RSU1: variants seen among roughly 807,000 people sequenced by gnomAD.
RSU1 encodes the protein Ras suppressor protein 1, also known as rsu-1.
In RSU1, 26 loss-of-function variants were observed where a neutral mutation model predicts 31.1. The observed-to-expected ratio is 0.84, with a 90% CI of 0.61 to 1.16. The LOEUF (loss-of-function observed/expected upper bound fraction) is 1.16. RSU1 is among the 50% of genes most tolerant of loss of function. The pLI is 0.00. For missense variants in RSU1, 320 were observed against 339.1 expected (o/e 0.94, Z 0.44); for synonymous variants, 164 against 136.3 (o/e 1.20, Z -1.41).
intron 3 of RSU1, among the ~76,000 whole-genome samples, chr10:16,779,707 T>A (rs1837610991): frequency 6.6e-6 from 1 of 152,102 alleles, no homozygotes; most frequent in Non-Finnish European, 1.5e-5. Context: ...CAACAGAAAG[T>A]GAAAGACACT....
intron 7 of RSU1, among the ~76,000 whole-genome samples, chr10:16,699,096 T>C (rs1377704555): frequency 6.6e-6 from 1 of 152,228 alleles, no homozygotes; most frequent in Non-Finnish European, 1.5e-5. Flanking sequence ...GAAACCCAGG[T>C]ATAATGTCCG....
intron 2 of RSU1, among the ~76,000 whole-genome samples, chr10:16,803,016 A>G (rs1838189008): frequency 6.6e-6 from 1 of 152,168 alleles, no homozygotes; most frequent in East Asian, 1.9e-4. Context: ...ATCAGATTGG[A>G]CGTCCTTGTT....
chr10:16,765,980 C>T (rs1837305809), intron 3 of RSU1, among the ~76,000 whole-genome samples: 1 of 152,194 alleles, frequency 6.6e-6, no homozygotes, highest in Admixed American at 6.5e-5. Flanking sequence ...TGATAACTCC[C>T]AGGGGAACAA....
intron 2 of RSU1, among the ~76,000 whole-genome samples, chr10:16,807,077 T>G (rs901063966): frequency 6.6e-6 from 1 of 152,198 alleles, no homozygotes; most frequent in Non-Finnish European, 1.5e-5. Flanking sequence ...CATGAGCCAC[T>G]GCGCCCAGCC....
chr10:16,810,061 T>C (rs1018619802), intron 2 of RSU1, among the ~76,000 whole-genome samples: 9 of 150,276 alleles, frequency 6.0e-5, no homozygotes, highest in African/African-American at 2.2e-4. Context: ...CAAAACCCCA[T>C]CTCTACCAAA....
intron 7 of RSU1, among the ~76,000 whole-genome samples, chr10:16,731,182 A>C (rs1264213737): frequency 6.6e-6 from 1 of 152,178 alleles, no homozygotes; most frequent in Non-Finnish European, 1.5e-5. Context: ...ATCATCTACT[A>C]GTTAATTTAA....
In RSU1 at chr10:16,592,038, G is replaced by GTAACTAAC. The variant is rs144517149; in HGVS notation, c.*1355_*1356insGTTAGTTA. On this transcript the variant is annotated 3_prime_UTR_variant, in exon 9 of 9. Coordinates refer to ENST00000345264, the MANE Select transcript of RSU1 (RefSeq NM_012425.4). ...TTGAAATGCGAAGTCTGTTTCCTAAGTAACTCAGAACTTGTTGTTTGATTT... is the reference window on the plus strand; with the variant it reads ...TTGAAATGCGAAGTCTGTTTCCTAAGTAACTAACTAACTCAGAACTTGTTGTTTGATTT... 6.6e-6 allele frequency: 1 copy of GTAACTAAC among 152,096 alleles called. No individual in the cohort carries two copies. The highest frequency in any genetic ancestry group is 1.9e-4 in the East Asian group (1 of 5,202). 9.4% of individuals were successfully genotyped at this position (152,096 alleles called of 1,614,324 possible).
chr10:16,600,247 G>A (rs1442893419), intron 8 of RSU1, among the ~76,000 whole-genome samples: 2 of 152,138 alleles, frequency 1.3e-5, no homozygotes, highest in South Asian at 2.1e-4. Context: ...AAGCCCAAAT[G>A]CCAACGTGGG....
At chr10:16,659,801 G>A (rs1834856601) in intron 8 of RSU1, among the ~76,000 whole-genome samples, 2 of 152,158 alleles carry the variant, frequency 1.3e-5, no homozygotes, top group Admixed American at 1.3e-4. Context: ...CTTACTGGTT[G>A]TTTTTAATGT....
chr10:16,721,622 G>A (rs368664895), intron 7 of RSU1: 1 of 152,174 alleles, frequency 6.6e-6, no homozygotes, highest in Non-Finnish European at 1.5e-5. Flanking sequence ...AATTAGACTA[G>A]ATCCAAGATC....
chr10:16,639,683 A>T (rs1834405350), intron 8 of RSU1, among the ~76,000 whole-genome samples: 1 of 152,238 alleles, frequency 6.6e-6, no homozygotes, highest in Non-Finnish European at 1.5e-5. Context: ...AGACATTTTC[A>T]TCTGCAGCCA....
chr10:16,746,764 T>A (rs1184011364), intron 7 of RSU1, among the ~76,000 whole-genome samples: 1 of 151,632 alleles, frequency 6.6e-6, no homozygotes, highest in Non-Finnish European at 1.5e-5. Context: ...CAACGCAGGA[T>A]TTTTATCCTC....
chr10:16,645,940 A>ATATATATGTGTATATACATATATGTG (rs1834547374), intron 8 of RSU1, among the ~76,000 whole-genome samples: 1 of 68,150 alleles, frequency 1.5e-5, no homozygotes, highest in South Asian at 6.5e-4. Context: ...ACATATGTGT[A>ATATATATGTGTATATACATATATGTG]TATATATGTG....
At chr10:16,664,850 T>A (rs1834958835) in intron 8 of RSU1, among the ~76,000 whole-genome samples, 1 of 152,246 alleles carries the variant, frequency 6.6e-6, no homozygotes, top group South Asian at 2.1e-4. Context: ...AGCCTATGCT[T>A]GCTGAGGCAT....
intron 8 of RSU1, among the ~76,000 whole-genome samples, chr10:16,680,260 G>C (rs1835305304): frequency 6.6e-6 from 1 of 151,988 alleles, no homozygotes. Context: ...GAATACAGCA[G>C]ACACAGGCCT....
chr10:16,761,020 A>C (rs1837202342), intron 4 of RSU1, among the ~76,000 whole-genome samples: 2 of 152,120 alleles, frequency 1.3e-5, no homozygotes, highest in African/African-American at 4.8e-5. Context: ...CAGTTCACTG[A>C]AACCTCTGCC....
intron 7 of RSU1, among the ~76,000 whole-genome samples, chr10:16,735,629 T>C (rs1292219626): frequency 6.6e-6 from 1 of 152,160 alleles, no homozygotes; most frequent in Non-Finnish European, 1.5e-5. Context: ...CAGTTCAGCA[T>C]GGCTGGGGAG....
intron 3 of RSU1, among the ~76,000 whole-genome samples, chr10:16,780,435 G>T (rs1163445621): frequency 6.6e-6 from 1 of 152,012 alleles, no homozygotes; most frequent in Admixed American, 6.6e-5. Flanking sequence ...AGAGATGGGG[G>T]CCTCAGTATG....
At chr10:16,612,211 A>C (rs1833902515) in intron 8 of RSU1, among the ~76,000 whole-genome samples, 1 of 152,240 alleles carries the variant, frequency 6.6e-6, no homozygotes, top group Non-Finnish European at 1.5e-5. Context: ...TTTAGACAAA[A>C]CACTGTTTCT....
Sources: gnomAD v4.1 joint callset for allele counts (sites outside exome capture counted in the v4.1 genomes callset) on GRCh38, gnomAD v4.1.1 for gene constraint, MANE v1.5 for transcripts, NCBI Gene and HGNC (gene_info 2026-07-23, HGNC 2026-07-21) for gene names.